Variants in C2CD2 observed in about 807,000 individuals in gnomAD.
C2CD2 encodes C2 domain-containing protein 2.
In C2CD2, 43 loss-of-function variants were observed where a neutral mutation model predicts 74.3. The ratio of observed to expected loss-of-function variants is 0.58; its 90% CI spans 0.45 to 0.75. C2CD2 has a LOEUF of 0.75. Among genes scored for constraint, C2CD2 ranks in the 30% least tolerant of loss-of-function variants. C2CD2 has a pLI of 0.00. For missense variants in C2CD2, 801 were observed against 916.3 expected (o/e 0.87, Z 1.63); for synonymous variants, 422 against 390.7 (o/e 1.08, Z -0.94).
intron 1 of C2CD2, chr21:41,942,871 C>A: frequency 1.7e-6 from 1 of 593,688 alleles, no homozygotes; most frequent in Non-Finnish European, 2.1e-6. Flanking sequence ...AGAGTAGACT[C>A]CTCAACCCCT....
Position 41,895,819 on chromosome 21 carries a change from A to G in C2CD2, c.1870+3234T>C, listed in dbSNP as rs975185391. Among the ~76,000 whole-genome samples, 1 of 152,354 alleles carries G rather than the reference A, an allele frequency of 6.6e-6. No individual in the cohort carries two copies. The highest frequency in any genetic ancestry group is 1.9e-4 in the East Asian group (1 of 5,188). On this transcript the variant is annotated intron_variant, in intron 13 of 13. Transcript: ENST00000380486. The surrounding 1 kb of genome is among the most constrained non-coding windows in gnomAD (Gnocchi z 5.0). Reference sequence around the variant, plus strand: ...TTCTGTCTTAAAACCCAGCAGAAAGAAAAACAATGACCAGAAAAAAAAAAC... The same window carrying G: ...TTCTGTCTTAAAACCCAGCAGAAAGGAAAACAATGACCAGAAAAAAAAAAC...
chr21:41,907,914 C>T (rs375200822), intron 8 of C2CD2, 130 bp from the exon 9 acceptor site: 9 of 908,090 alleles, frequency 9.9e-6, no homozygotes, highest in Middle Eastern at 3.2e-4. Context: ...GAAGTGCTCA[C>T]GTTTCAGAAT....
chr21:41,942,295 C>T, intron 1 of C2CD2, 50 bp from the exon 2 acceptor site: 1 of 1,355,216 alleles, frequency 7.4e-7, no homozygotes, highest in Non-Finnish European at 1.0e-6. Context: ...GGGGCTGCAT[C>T]TTTTAAATTA....
Position 41,926,560 on chromosome 21 carries a change from G to A in C2CD2, c.379-4475C>T, listed in dbSNP as rs2065215697. 9.2e-6 allele frequency: 8 copies of A among 873,182 alleles called. No individual in the cohort carries two copies. In the South Asian group the frequency reaches 4.2e-4, roughly 46 times the overall value. The allele number at this position is 873,182 out of a possible 1,614,324, so 54.1% of individuals were successfully genotyped here. ...TCCAGCCTCAACACCTTGACCTCAT[G>A]TAGTCACATACCTATGCAAACAGCG... On this transcript the variant is annotated intron_variant, in intron 2 of 13. Transcript: ENST00000380486. The surrounding 1 kb of genome is among the most constrained non-coding windows in gnomAD (Gnocchi z 8.0).
rs776661057 is a variant in C2CD2 at position 41,925,000 on chromosome 21, C to G, written c.379-2915G>C. Among the ~76,000 whole-genome samples, 2 of 152,162 alleles carry G rather than the reference C, an allele frequency of 1.3e-5. No homozygotes were observed. Among genetic ancestry groups the G allele is most frequent in the South Asian group, 4.1e-4 (2 of 4,830 alleles). Reference sequence around the variant, plus strand: ...GGACTCCAAAGCTCATAAGTAATCACTGAAGCCCCATCACTAAGGTAATGT... The same window carrying G: ...GGACTCCAAAGCTCATAAGTAATCAGTGAAGCCCCATCACTAAGGTAATGT... On this transcript the variant is annotated intron_variant, in intron 2 of 13. Transcript: ENST00000380486. This position sits in a 1 kb window ranked among gnomAD's most constrained non-coding sequence, Gnocchi z 4.4.
intron 5 of C2CD2, among the ~76,000 whole-genome samples, chr21:41,915,868 G>A (rs1285248037): frequency 2.0e-5 from 3 of 152,058 alleles, no homozygotes; most frequent in Non-Finnish European, 2.9e-5. Context: ...GGCTCTGTTC[G>A]TTGCAAGCAT....
rs1023089958 is a variant in C2CD2 at position 41,926,636 on chromosome 21, GCA to G, written c.379-4553_379-4552del. 4.1e-6 allele frequency: 4 copies of G among 984,732 alleles called. No homozygotes were observed. The highest frequency in any genetic ancestry group is 1.7e-5 in the African/African-American group (1 of 57,184). The allele number at this position is 984,732 out of a possible 1,614,324, so 61.0% of individuals were successfully genotyped here. On this transcript the variant is annotated intron_variant, in intron 2 of 13. Coordinates refer to ENST00000380486, the MANE Select transcript of C2CD2 (RefSeq NM_015500.2). This position sits in a 1 kb window ranked among gnomAD's most constrained non-coding sequence, Gnocchi z 8.0. ...TAGACTTGGGGCCAAAAAATTCCAG[GCA>G]CAGTTACTCCAGATTTTGCTACTGT...
At chr21:41,917,568 G>A (rs758175247) in intron 5 of C2CD2, among the ~76,000 whole-genome samples, 5 of 152,154 alleles carry the variant, frequency 3.3e-5, no homozygotes, top group Non-Finnish European at 7.4e-5. Flanking sequence ...CCAGAAAAGT[G>A]AGTAGCGCCC....
At chr21:41,889,435 G>C in intron 13 of C2CD2, 91 bp from the exon 14 acceptor site, 1 of 849,666 alleles carries the variant, frequency 1.2e-6, no homozygotes, top group Non-Finnish European at 2.0e-6. Flanking sequence ...AAGGAGGCTC[G>C]AATGCCTCTA....
chr21:41,947,803 T>C (rs1196169977), intron 1 of C2CD2, among the ~76,000 whole-genome samples: 2 of 152,142 alleles, frequency 1.3e-5, no homozygotes, highest in East Asian at 1.9e-4. Context: ...ACAGAGACTC[T>C]CCCAGGATCG....
rs927599533 is a variant in C2CD2, at chr21:41,895,123, T to C, written c.1870+3930A>G. On this transcript the variant is annotated intron_variant, in intron 13 of 13. Coordinates refer to ENST00000380486, the MANE Select transcript of C2CD2 (RefSeq NM_015500.2). This position sits in a 1 kb window ranked among gnomAD's most constrained non-coding sequence, Gnocchi z 5.0. The stretch of plus-strand genomic sequence containing the variant: ...GAGAATGTGGGTAGGCCTCATCCAA[T>C]CAGCTGAAGGCCCTAAGAGCAAACA... The C allele has an allele frequency of 4.9e-5, 18 of 365,192 alleles. No individual in the cohort carries two copies. The highest frequency in any genetic ancestry group is 1.8e-4 in the South Asian group (9 of 49,654). The allele number at this position is 365,192 out of a possible 1,614,324, so 22.6% of individuals were successfully genotyped here. A position where few individuals can be genotyped will look rare whatever the true frequency, so the allele number is the denominator to read the frequency against.
intron 8 of C2CD2, chr21:41,908,261 G>GTGTGTGTGTGTGTGTGTGTGTGTT: frequency 5.5e-6 from 1 of 181,112 alleles, no homozygotes; most frequent in Non-Finnish European, 1.1e-5. Context: ...GTGTGTGTGT[G>GTGTGTGTGTGTGTGTGTGTGTGTT]TAAAAGAAAA....
At chr21:41,906,616 C>T (rs903774594) in intron 10 of C2CD2, among the ~76,000 whole-genome samples, 2 of 152,208 alleles carry the variant, frequency 1.3e-5, no homozygotes, top group Admixed American at 6.5e-5. Flanking sequence ...CTGCCCGCCT[C>T]GGCTTCCCAA....
chr21:41,934,065 C>G (rs1452805324), intron 2 of C2CD2, among the ~76,000 whole-genome samples: 2 of 152,028 alleles, frequency 1.3e-5, no homozygotes, highest in Non-Finnish European at 2.9e-5. Context: ...AAAGTTTGGA[C>G]ATTTTTATTT....
chr21:41,953,651 C>A lies in C2CD2; in HGVS notation c.-3G>T. 1 of 1,438,054 alleles carries A rather than the reference C, an allele frequency of 7.0e-7. No homozygotes were observed. Among genetic ancestry groups the A allele is most frequent in the South Asian group, 1.4e-5 (1 of 72,116 alleles). 89.1% of individuals were successfully genotyped at this position (1,438,054 alleles called of 1,614,324 possible). A position where few individuals can be genotyped will look rare whatever the true frequency, so the allele number is the denominator to read the frequency against. ...GAGCCCAGCCGGGCCATGGCCATGGCGCATCCCCGGCCCGCCTCGCCCCAA... is the reference window on the plus strand; with the variant it reads ...GAGCCCAGCCGGGCCATGGCCATGGAGCATCCCCGGCCCGCCTCGCCCCAA... On this transcript the variant is annotated 5_prime_UTR_variant, in exon 1 of 14. Coordinates refer to ENST00000380486, the MANE Select transcript of C2CD2 (RefSeq NM_015500.2).
chr21:41,894,316 G>A (rs1470003744), intron 13 of C2CD2, among the ~76,000 whole-genome samples: 1 of 152,186 alleles, frequency 6.6e-6, no homozygotes, highest in Non-Finnish European at 1.5e-5. Flanking sequence ...AGGATTTTAA[G>A]ACAGATTCCT....
At position 41,905,756 on chromosome 21, in the gene C2CD2, G is replaced by A. The variant is rs1405855395; in HGVS notation, c.1400C>T (p.Pro467Leu). 6.2e-7 allele frequency: 1 copy of A among 1,610,466 alleles called. No individual in the cohort carries two copies. Among genetic ancestry groups the A allele is most frequent in the Non-Finnish European group, 8.5e-7 (1 of 1,176,976 alleles). Residue 467 changes from proline to leucine, a missense_variant, in exon 11 of 14, where the codon CCC (proline) becomes CTC (leucine). Pro to Leu is a moderately conservative substitution (Grantham distance 98). Coordinates refer to ENST00000380486, the MANE Select transcript of C2CD2 (RefSeq NM_015500.2). ...TGAAGAAGAGAGTGTTTTGCTGACG[G>A]GGGCGCTGCGGCAGGCGATGGCCTG... is the stretch of plus-strand genomic sequence containing the variant. Reference protein sequence around the residue: ...SVQAIACRSAPVSKTLSSSDT... With the variant: ...SVQAIACRSALVSKTLSSSDT...
chr21:41,899,025 C>T lies in C2CD2; in HGVS notation c.1870+28G>A, dbSNP rs201166222. 4.8e-5 allele frequency: 76 copies of T among 1,587,932 alleles called. No homozygotes were observed. The African/African-American group carries it at 1.0e-3, about 21-fold the overall frequency. On this transcript the variant is annotated intron_variant, in intron 13 of 13. Transcript: ENST00000380486. The surrounding 1 kb of genome is among the most constrained non-coding windows in gnomAD (Gnocchi z 4.4). ...AGCGCAAAGCCACCAAGTGGGGGGC[C>T]CGGGATGGGGGGCTCGGGAGCAGGT...
At chr21:41,944,888 C>A (rs1280166115) in intron 1 of C2CD2, among the ~76,000 whole-genome samples, 1 of 152,154 alleles carries the variant, frequency 6.6e-6, no homozygotes, top group Non-Finnish European at 1.5e-5. Context: ...CTATAGAAAC[C>A]CCGTAATTAA....
Sources: gnomAD v4.1 joint callset for allele counts (sites outside exome capture counted in the v4.1 genomes callset) on GRCh38, gnomAD v4.1.1 for gene constraint, Gnocchi (gnomAD v3.1) non-coding constraint, MANE v1.5 for transcripts, NCBI Gene and HGNC (gene_info 2026-07-23, HGNC 2026-07-21) for gene names.